MAST1: variants seen among roughly 807,000 people sequenced by gnomAD.
The protein encoded by MAST1 is microtubule-associated serine/threonine-protein kinase 1.
Under a neutral mutation model 124.6 loss-of-function variants are expected in MAST1, and 40 were observed. That is an observed-to-expected ratio of 0.32 (90% CI 0.25 to 0.42). The LOEUF is 0.42. Ranked by LOEUF, MAST1 falls within the 10% of genes least tolerant of loss-of-function variation. MAST1 has a pLI of 1.00. For synonymous variants in MAST1, 938 were observed against 939.4 expected, an observed-to-expected ratio of 1.00 and a Z score of 0.03; for missense variants, 1,558 against 2,181.9, an observed-to-expected ratio of 0.71 and a Z score of 5.70.
At position 12,874,103 on chromosome 19, in the gene MAST1, C is replaced by G. The variant is rs1970277798; in HGVS notation, c.3946C>G (p.Pro1316Ala). 1 of 1,557,248 alleles carries G rather than the reference C, an allele frequency of 6.4e-7. No homozygotes were observed. The highest frequency in any genetic ancestry group is 8.7e-7 in the Non-Finnish European group (1 of 1,153,868). The change falls in exon 26 of 26, where the codon CCA (proline) becomes GCA (alanine). Residue 1316 changes from proline (P) to alanine (A), a missense_variant. Physicochemically the swap from Pro to Ala is conservative, Grantham distance 27. This residue lies in a region of MAST1 where 263 missense variants were observed against 310.9 expected (regional missense o/e 0.85). Transcript: ENST00000251472. This position sits in a 1 kb window ranked among gnomAD's most constrained non-coding sequence, Gnocchi z 6.6. ...SLAESDGETP[P>A]VEGLGAPRQV... ...TGCCGAGTCCGACGGTGAGACGCCC[C>G]CAGTCGAGGGCCTTGGCGCGCCCCG...
chr19:12,862,150 G>A (rs1490783067), intron 12 of MAST1, among the ~76,000 whole-genome samples: 1 of 151,880 alleles, frequency 6.6e-6, no homozygotes, highest in Non-Finnish European at 1.5e-5. Flanking sequence ...GATTACAGGC[G>A]TGTGCCACCA....
Position 12,874,491 on chromosome 19 carries a change from C to T in MAST1, c.4334C>T (p.Ala1445Val). 1.9e-6 allele frequency: 3 copies of T among 1,559,756 alleles called. No individual in the cohort carries two copies. The highest frequency in any genetic ancestry group is 2.6e-6 in the Non-Finnish European group (3 of 1,155,440). ...GTCGTAGAGCCTGCGCGGCCCGGGG[C>T]TAAGGCTGTGGTGCCTCAGCCTCTG... The part of the protein sequence containing the change: ...PIVVEPARPG[A>V]KAVVPQPLGA... The change falls in exon 26 of 26, where the codon GCT becomes GTT. Residue 1445 changes from alanine (A) to valine (V), a missense_variant. By Grantham distance (64) the Ala-to-Val change is moderately conservative (BLOSUM62 0). Coordinates refer to ENST00000251472, the MANE Select transcript of MAST1 (RefSeq NM_014975.3). This position sits in a 1 kb window ranked among gnomAD's most constrained non-coding sequence, Gnocchi z 6.6.
chr19:12,858,231 T>C, intron 10 of MAST1, 131 bp from the exon 11 acceptor site: 1 of 792,164 alleles, frequency 1.3e-6, no homozygotes. Flanking sequence ...CCTAACTTTC[T>C]CTTTCATTAT....
intron 12 of MAST1, among the ~76,000 whole-genome samples, chr19:12,860,228 C>T (rs967443475): frequency 7.2e-5 from 11 of 152,042 alleles, no homozygotes; most frequent in Non-Finnish European, 1.6e-4. Flanking sequence ...CATTCTCCTG[C>T]CTCAGCCTCC....
rs762321542 is a variant in MAST1, at chr19:12,869,210, C to T, written c.2918C>T (p.Ser973Leu). ...GLRSPITIQR[S>L]GKKYGFTLRA... ...CGCTCCCCCATCACCATCCAGCGCT[C>T]GGGCAAGAAGTATGGCTTCACACTG... The change falls in exon 22 of 26, where the codon TCG becomes TTG. Residue 973 changes from serine to leucine, a missense_variant. By Grantham distance (145) the Ser-to-Leu change is moderately radical. This residue lies in a region of MAST1 where 291 missense variants were observed against 475.8 expected (regional missense o/e 0.61). Transcript: ENST00000251472. The T allele has an allele frequency of 5.6e-6, 9 of 1,614,164 alleles. No homozygotes were observed. Among genetic ancestry groups the T allele is most frequent in the South Asian group, 1.1e-5 (1 of 91,082 alleles).
In MAST1 at chr19:12,847,834, C is replaced by T; in HGVS notation, c.565-14C>T. ...CGGGCACAGCCCCGCGCCCCTCCTCCGTCCCTCCCGCAGGCCACTGCGCAG... is the reference window on the plus strand; with the variant it reads ...CGGGCACAGCCCCGCGCCCCTCCTCTGTCCCTCCCGCAGGCCACTGCGCAG... On this transcript the variant is annotated splice_polypyrimidine_tract_variant and intron_variant, in intron 6 of 25. Transcript: ENST00000251472. This position sits in a 1 kb window ranked among gnomAD's most constrained non-coding sequence, Gnocchi z 5.5. 1.9e-6 allele frequency: 3 copies of T among 1,602,658 alleles called. No homozygotes were observed. The highest frequency in any genetic ancestry group is 1.7e-6 in the Non-Finnish European group (2 of 1,174,656).
intron 12 of MAST1, among the ~76,000 whole-genome samples, chr19:12,862,056 G>A (rs569579077): frequency 2.0e-5 from 3 of 149,258 alleles, no homozygotes; most frequent in African/African-American, 7.5e-5. Flanking sequence ...CCAGGCTAGA[G>A]TGCAATGGGG....
In MAST1 at chr19:12,865,698, G is replaced by T; in HGVS notation, c.1805-19G>T. 6.3e-7 allele frequency: 1 copy of T among 1,596,370 alleles called. No individual in the cohort carries two copies. Among genetic ancestry groups the T allele is most frequent in the Non-Finnish European group, 8.5e-7 (1 of 1,170,076 alleles). On this transcript the variant is annotated intron_variant, in intron 15 of 25. Transcript: ENST00000251472. The surrounding 1 kb of genome is among the most constrained non-coding windows in gnomAD (Gnocchi z 7.1). ...CAACAACAACAAAAACCGCCCCTAA[G>T]TTCCGTTTTGTTTTGCAGATGACAT...
intron 4 of MAST1, among the ~76,000 whole-genome samples, chr19:12,844,344 A>G (rs889295500): frequency 2.6e-5 from 4 of 152,198 alleles, no homozygotes; most frequent in East Asian, 1.9e-4. Context: ...AGCCATTGGC[A>G]TGATGTTCAG....
At chr19:12,863,269 C>G (rs541774669) in intron 12 of MAST1, among the ~76,000 whole-genome samples, 1 of 151,424 alleles carries the variant, frequency 6.6e-6, no homozygotes, top group South Asian at 2.1e-4. Flanking sequence ...GATGACTGCT[C>G]TAGTCCAGGT....
In MAST1 at chr19:12,874,947, G is replaced by C. The variant is rs1228710435; in HGVS notation, c.*77G>C. ...CATATAAATAAAGTGCGTCCGTGCT[G>C]CGTGAGTTTTCTGGGGCTCACTCCT... On this transcript the variant is annotated 3_prime_UTR_variant, in exon 26 of 26. Coordinates refer to ENST00000251472, the MANE Select transcript of MAST1 (RefSeq NM_014975.3). This position sits in a 1 kb window ranked among gnomAD's most constrained non-coding sequence, Gnocchi z 6.6. 1.3e-6 allele frequency: 2 copies of C among 1,508,802 alleles called. No homozygotes were observed. The highest frequency in any genetic ancestry group is 1.8e-6 in the Non-Finnish European group (2 of 1,122,352). 93.5% of individuals were successfully genotyped at this position (1,508,802 alleles called of 1,614,324 possible).
chr19:12,846,028 G>A (rs1969890463), intron 4 of MAST1, among the ~76,000 whole-genome samples: 1 of 151,898 alleles, frequency 6.6e-6, no homozygotes, highest in Non-Finnish European at 1.5e-5. Context: ...AGCCAGCCTG[G>A]GCAACATAGA....
In MAST1 at chr19:12,866,911, A is replaced by C; in HGVS notation, c.2139+149A>C. Reference sequence around the variant, plus strand: ...AGTCTGGAAGGTGGTAAGGCCACGCAAGAGGCAGGTTCGGGAGTCTATGGG... The same window carrying C: ...AGTCTGGAAGGTGGTAAGGCCACGCCAGAGGCAGGTTCGGGAGTCTATGGG... On this transcript the variant is annotated intron_variant, in intron 18 of 25. Transcript: ENST00000251472. The surrounding 1 kb of genome is among the most constrained non-coding windows in gnomAD (Gnocchi z 5.2). 1.6e-6 allele frequency: 1 copy of C among 642,116 alleles called. No individual in the cohort carries two copies. 39.8% of individuals were successfully genotyped at this position (642,116 alleles called of 1,614,324 possible). A position where few individuals can be genotyped will look rare whatever the true frequency, so the allele number is the denominator to read the frequency against.
chr19:12,859,735 A>G (rs1970056936), intron 12 of MAST1, among the ~76,000 whole-genome samples: 1 of 151,644 alleles, frequency 6.6e-6, no homozygotes, highest in Non-Finnish European at 1.5e-5. Flanking sequence ...CAGAGGTTGC[A>G]GTAAGCCGAG....
At position 12,852,184 on chromosome 19, in the gene MAST1, G is replaced by A. The variant is rs760938333; in HGVS notation, c.946G>A (p.Val316Met). The part of the protein sequence containing the change: ...AEGHAKEGHL[V>M]KTDIPRYIIR... Reference sequence around the variant, plus strand: ...AGGACACGCCAAGGAGGGCCACCTTGTGAAGACGGACATCCCCCGCTACAT... The same window carrying A: ...AGGACACGCCAAGGAGGGCCACCTTATGAAGACGGACATCCCCCGCTACAT... The change falls in exon 9 of 26, where the codon GTG becomes ATG. Residue 316 changes from valine to methionine, a missense_variant. Transcript: ENST00000251472. 9 of 1,613,962 alleles carry A rather than the reference G, an allele frequency of 5.6e-6. No homozygotes were observed. Among genetic ancestry groups the A allele is most frequent in the Non-Finnish European group, 7.6e-6 (9 of 1,180,024 alleles).
chr19:12,867,555 A>G lies in MAST1; in HGVS notation c.2221A>G (p.Ser741Gly), dbSNP rs527495605. Residue 741 changes from serine (S) to glycine (G), a missense_variant, in exon 19 of 26, where the codon AGC (serine) becomes GGC (glycine). Physicochemically the swap from Ser to Gly is moderately conservative, Grantham distance 56. Coordinates refer to ENST00000251472, the MANE Select transcript of MAST1 (RefSeq NM_014975.3). ...AAAGSSKREP[S>G]TKGPEEKVAG... ...TGCAGGGAGCAGCAAGCGGGAGCCGAGCACCAAGGGCCCCGAGGAGAAGGT... is the reference window on the plus strand; with the variant it reads ...TGCAGGGAGCAGCAAGCGGGAGCCGGGCACCAAGGGCCCCGAGGAGAAGGT... 1.2e-6 allele frequency: 2 copies of G among 1,613,528 alleles called. No individual in the cohort carries two copies. The highest frequency in any genetic ancestry group is 4.5e-5 in the East Asian group (2 of 44,844).
chr19:12,850,338 C>T (rs754012541), intron 7 of MAST1, among the ~76,000 whole-genome samples: 1 of 152,050 alleles, frequency 6.6e-6, no homozygotes, highest in African/African-American at 2.4e-5. Context: ...GGTAACATAG[C>T]GAGACCCTGT....
chr19:12,863,924 C>CTT (rs3064382), intron 12 of MAST1, among the ~76,000 whole-genome samples: 11,892 of 131,936 alleles, frequency 0.09, 813 homozygotes, highest in South Asian at 0.24. Context: ...CTACAAAAAA[C>CTT]TTTTTTTTTT....
intron 4 of MAST1, among the ~76,000 whole-genome samples, chr19:12,845,409 T>C (rs908989549): frequency 1.7e-4 from 6 of 35,904 alleles, no homozygotes; most frequent in Admixed American, 6.5e-4. Context: ...ACCCTGTTTC[T>C]ACAAAAAAAA....
Sources: allele counts gnomAD v4.1 joint callset (sites outside exome capture counted in the v4.1 genomes callset), GRCh38; gene constraint gnomAD v4.1.1; regional missense constraint gnomAD v4.1.1; non-coding constraint Gnocchi (gnomAD v3.1); transcripts MANE v1.5; gene names NCBI Gene and HGNC (gene_info 2026-07-23, HGNC 2026-07-21).